The following TLN2 variants were observed in gnomAD, a reference collection of about 807,000 sequenced individuals.
TLN2 encodes the protein talin-2.
TLN2 carries 118 observed loss-of-function variants against 294.7 expected under a neutral mutation model. That is an observed-to-expected ratio of 0.40 (90% CI 0.34 to 0.47). The LOEUF (loss-of-function observed/expected upper bound fraction) is 0.47. Ranked by LOEUF, TLN2 falls within the 20% of genes least tolerant of loss-of-function variation. The pLI, the probability that TLN2 is intolerant of heterozygous loss-of-function variation, is 0.84. For missense variants in TLN2, 3,083 were observed against 3,282.2 expected, an observed-to-expected ratio of 0.94 and a Z score of 1.48; for synonymous variants, 1,431 against 1,304.5, an observed-to-expected ratio of 1.10 and a Z score of -2.09.
intron 1 of TLN2, among the ~76,000 whole-genome samples, chr15:62,468,022 G>A (rs562941051): frequency 6.6e-6 from 1 of 152,144 alleles, no homozygotes; most frequent in South Asian, 2.1e-4. Context: ...CAATAATAAA[G>A]GTTGTCTAGC....
intron 9 of TLN2, among the ~76,000 whole-genome samples, chr15:62,665,536 C>G (rs886286316): frequency 3.3e-5 from 5 of 152,174 alleles, no homozygotes; most frequent in African/African-American, 1.2e-4. Context: ...TGAGTGTGGG[C>G]AGGCAGGTCA....
chr15:62,817,645 G>A (rs1191528204), intron 52 of TLN2, among the ~76,000 whole-genome samples: 1 of 151,990 alleles, frequency 6.6e-6, no homozygotes, highest in Non-Finnish European at 1.5e-5. Flanking sequence ...TGGTGCAAAG[G>A]GGTTAGTCCT....
chr15:62,412,738 TC>T (rs560986816), intron 1 of TLN2, among the ~76,000 whole-genome samples: 83 of 152,290 alleles, frequency 5.5e-4, no homozygotes, highest in Admixed American at 1.0e-3. Context: ...TTTCTAATGC[TC>T]CCCTAGACTC....
intron 44 of TLN2, among the ~76,000 whole-genome samples, chr15:62,782,710 G>A (rs972356534): frequency 6.6e-6 from 1 of 152,200 alleles, no homozygotes; most frequent in African/African-American, 2.4e-5. Flanking sequence ...GTTCCTTGGC[G>A]GCCACATCTC....
At chr15:62,544,246 G>T (rs891356867) in intron 1 of TLN2, among the ~76,000 whole-genome samples, 1 of 152,114 alleles carries the variant, frequency 6.6e-6, no homozygotes, top group African/African-American at 2.4e-5. Flanking sequence ...TGTAATAGGT[G>T]AGTCCTGGTT....
At chr15:62,839,023 G>A (rs1414881446) in intron 58 of TLN2, 42 bp downstream of exon 58, 1 of 1,593,496 alleles carries the variant, frequency 6.3e-7, no homozygotes, top group Admixed American at 1.7e-5. Flanking sequence ...TCCCGAGAGA[G>A]GTGTTGGGTT....
At chr15:62,764,484 C>T (rs1456420200) in intron 40 of TLN2, among the ~76,000 whole-genome samples, 1 of 152,232 alleles carries the variant, frequency 6.6e-6, no homozygotes, top group Non-Finnish European at 1.5e-5. Flanking sequence ...TTCGCTCCAC[C>T]TTCACCCTCC....
intron 3 of TLN2, among the ~76,000 whole-genome samples, chr15:62,646,337 A>G (rs937266747): frequency 6.6e-6 from 1 of 151,728 alleles, no homozygotes; most frequent in Non-Finnish European, 1.5e-5. Context: ...TAATTTTCAT[A>G]TTTTTAATAG....
At chr15:62,568,414 C>T (rs948990086) in intron 1 of TLN2, among the ~76,000 whole-genome samples, 3 of 152,174 alleles carry the variant, frequency 2.0e-5, no homozygotes, top group African/African-American at 7.2e-5. Flanking sequence ...TTAAATGGAA[C>T]ATTGAACGAT....
chr15:62,581,611 C>G (rs1007205931), intron 1 of TLN2, among the ~76,000 whole-genome samples: 3 of 152,094 alleles, frequency 2.0e-5, no homozygotes, highest in African/African-American at 7.2e-5. Context: ...GTTTCATTCT[C>G]CAATTGTTAT....
At chr15:62,522,941 T>TACACAC (rs71129007) in intron 1 of TLN2, among the ~76,000 whole-genome samples, 9,488 of 133,012 alleles carry the variant, frequency 0.071, 396 homozygotes, top group Non-Finnish European at 0.1. Flanking sequence ...GAATGTGGCT[T>TACACAC]ACACACACAC....
At chr15:62,391,124 A>G (rs1486396060) in intron 1 of TLN2, among the ~76,000 whole-genome samples, 2 of 152,194 alleles carry the variant, frequency 1.3e-5, no homozygotes, top group Non-Finnish European at 2.9e-5. Context: ...CCCGCGCCAG[A>G]AGAGTTGGCG....
intron 28 of TLN2, among the ~76,000 whole-genome samples, chr15:62,728,526 T>G (rs1446905090): frequency 6.6e-6 from 1 of 152,302 alleles, no homozygotes; most frequent in East Asian, 1.9e-4. Context: ...CTTTCAGCAG[T>G]GTATGGAAGC....
At chr15:62,395,157 A>G (rs960688629) in intron 1 of TLN2, among the ~76,000 whole-genome samples, 27 of 138,734 alleles carry the variant, frequency 1.9e-4, no homozygotes, top group Non-Finnish European at 3.8e-4. Flanking sequence ...TGCCCTCACA[A>G]TGCCCACACA....
intron 1 of TLN2, among the ~76,000 whole-genome samples, chr15:62,419,914 A>G (rs1232354484): frequency 6.6e-6 from 1 of 152,084 alleles, no homozygotes; most frequent in Admixed American, 6.6e-5. Context: ...CGTGAGCCAC[A>G]GTGCCCCTCC....
chr15:62,432,290 G>A (rs114348897), intron 1 of TLN2, among the ~76,000 whole-genome samples: 1,690 of 152,184 alleles, frequency 0.011, 33 homozygotes, highest in African/African-American at 0.037. Context: ...CTGAGGCTGG[G>A]CAATTTTCAA....
At chr15:62,793,687 G>A (rs2065242552) in intron 46 of TLN2, among the ~76,000 whole-genome samples, 1 of 151,906 alleles carries the variant, frequency 6.6e-6, no homozygotes, top group African/African-American at 2.4e-5. Flanking sequence ...CGAGTCTTTT[G>A]CTTTGCTTTT....
At position 62,819,601 on chromosome 15, in the gene TLN2, A is replaced by T; in HGVS notation, c.6857A>T (p.Gln2286Leu). Residue 2286 changes from glutamine (Q) to leucine (L), a missense_variant, in exon 53 of 59, where the codon CAG (glutamine) becomes CTG (leucine). Transcript: ENST00000636159. ...RVAGAVTELIQAAEAMKGTEW... is the reference protein window; with the variant it reads ...RVAGAVTELILAAEAMKGTEW... The stretch of plus-strand genomic sequence containing the variant: ...GCCGGCGCTGTGACAGAGCTCATCC[A>T]GGCGGCGGAAGCCATGAAAGGTAGG... The T allele has an allele frequency of 6.2e-7, 1 of 1,611,442 alleles. No individual in the cohort carries two copies. Among genetic ancestry groups the T allele is most frequent in the Non-Finnish European group, 8.5e-7 (1 of 1,179,966 alleles).
intron 41 of TLN2, among the ~76,000 whole-genome samples, chr15:62,766,709 C>T (rs1251415171): frequency 6.7e-6 from 1 of 149,532 alleles, no homozygotes; most frequent in Non-Finnish European, 1.5e-5. Context: ...CCGTTGCAAT[C>T]GACCTTTGCT....
Sources: allele counts gnomAD v4.1 joint callset (sites outside exome capture counted in the v4.1 genomes callset), GRCh38; gene constraint gnomAD v4.1.1; transcripts MANE v1.5; gene names NCBI Gene and HGNC (gene_info 2026-07-23, HGNC 2026-07-21).